Variants in RPIA observed in about 807,000 individuals in gnomAD.
The protein encoded by RPIA is ribose-5-phosphate isomerase.
In RPIA, 29 loss-of-function variants were observed where a neutral mutation model predicts 37.8. The ratio of observed to expected loss-of-function variants is 0.77; its 90% CI spans 0.57 to 1.05. The LOEUF (loss-of-function observed/expected upper bound fraction) is 1.05, where lower values mean the gene tolerates loss of function less well. Among genes scored for constraint, RPIA ranks in the 50% least tolerant of loss-of-function variants. The probability of loss-of-function intolerance (pLI) is 0.00; values close to 1 mark genes in which losing one functional copy is unlikely to be tolerated. For synonymous variants in RPIA, 167 were observed against 157.0 expected, an observed-to-expected ratio of 1.06 and a Z score of -0.48; for missense variants, 385 against 413.6, an observed-to-expected ratio of 0.93 and a Z score of 0.60.
At chr2:88,699,880 A>G in intron 2 of RPIA, 129 bp from the exon 3 acceptor site, 4 of 916,370 alleles carry the variant, frequency 4.4e-6, no homozygotes, top group Non-Finnish European at 7.0e-6. Flanking sequence ...GGAGGGGGAC[A>G]CAGGATGAAA....
chr2:88,719,182 C>G (rs1029527581), intron 3 of RPIA, among the ~76,000 whole-genome samples: 3 of 152,070 alleles, frequency 2.0e-5, no homozygotes, highest in African/African-American at 7.2e-5. Flanking sequence ...TCATGGATGA[C>G]AAAAAGTTTT....
intron 8 of RPIA, among the ~76,000 whole-genome samples, chr2:88,746,886 C>T (rs1228972799): frequency 6.6e-6 from 1 of 152,112 alleles, no homozygotes; most frequent in Non-Finnish European, 1.5e-5. Flanking sequence ...GTTGGTTGGC[C>T]TTCAGCGAGG....
At chr2:88,746,279 T>G (rs1474908090) in intron 8 of RPIA, among the ~76,000 whole-genome samples, 2 of 152,196 alleles carry the variant, frequency 1.3e-5, no homozygotes, top group Non-Finnish European at 2.9e-5. Context: ...GATTTCTTCT[T>G]GGTTTGGCTC....
chr2:88,727,275 G>T (rs1411562992), intron 3 of RPIA, among the ~76,000 whole-genome samples: 1 of 152,224 alleles, frequency 6.6e-6, no homozygotes, highest in Non-Finnish European at 1.5e-5. Flanking sequence ...GGGACAATGG[G>T]AAGGGATGAT....
At chr2:88,718,133 C>G (rs1365164822) in intron 3 of RPIA, among the ~76,000 whole-genome samples, 1 of 151,814 alleles carries the variant, frequency 6.6e-6, no homozygotes, top group Non-Finnish European at 1.5e-5. Flanking sequence ...AGGGTTGTAG[C>G]CAAGAAAAAT....
At position 88,691,695 on chromosome 2, in the gene RPIA, C is replaced by T. The variant is rs1421513013; in HGVS notation, c.-4C>T. On this transcript the variant is annotated 5_prime_UTR_variant, in exon 1 of 9. Coordinates refer to ENST00000283646, the MANE Select transcript of RPIA (RefSeq NM_144563.3). The stretch of plus-strand genomic sequence containing the variant: ...TTCAGCGGAGGCCGGAGCGAGGCGT[C>T]GGGATGCAGCGCCCCGGGCCCTTCA... 5 of 1,567,702 alleles carry T rather than the reference C, an allele frequency of 3.2e-6. No homozygotes were observed. The highest frequency in any genetic ancestry group is 1.2e-5 in the South Asian group (1 of 85,726).
intron 8 of RPIA, among the ~76,000 whole-genome samples, chr2:88,740,356 G>T (rs993185088): frequency 3.3e-5 from 5 of 152,218 alleles, no homozygotes; most frequent in Admixed American, 2.6e-4. Flanking sequence ...TGAGGAAAAT[G>T]ATAAAAGAGG....
intron 8 of RPIA, among the ~76,000 whole-genome samples, chr2:88,738,948 GT>G (rs1673350450): frequency 1.3e-5 from 2 of 152,198 alleles, no homozygotes; most frequent in South Asian, 4.1e-4. Flanking sequence ...AGGAGAGGCT[GT>G]GTGAAATGAA....
chr2:88,694,200 C>T (rs1028872478), intron 1 of RPIA, among the ~76,000 whole-genome samples: 1 of 152,246 alleles, frequency 6.6e-6, no homozygotes, highest in Non-Finnish European at 1.5e-5. Flanking sequence ...CTTTGGTCAC[C>T]TCTGGTTGGC....
intron 3 of RPIA, among the ~76,000 whole-genome samples, chr2:88,728,852 A>T (rs528469523): frequency 6.6e-6 from 1 of 151,050 alleles, no homozygotes; most frequent in Admixed American, 6.5e-5. Flanking sequence ...TGTGGGCTGG[A>T]AACCACTCCG....
rs1676937696 is a variant in RPIA, at chr2:88,691,829, C to T, written c.131C>T (p.Pro44Leu). The change falls in exon 1 of 9, where the codon CCG becomes CTG. Residue 44 changes from proline (P) to leucine (L), a missense_variant. By Grantham distance (98) the Pro-to-Leu change is moderately conservative (BLOSUM62 -3). Transcript: ENST00000283646. Reference sequence around the variant, plus strand: ...CTCCCGGGTTCCCACGTGCGGCTGCCGGGGCGTGCACAGTCTGGGACCCGT... The same window carrying T: ...CTCCCGGGTTCCCACGTGCGGCTGCTGGGGCGTGCACAGTCTGGGACCCGT... ...WDLPGSHVRL[P>L]GRAQSGTRGG... 1 of 1,597,824 alleles carries T rather than the reference C, an allele frequency of 6.3e-7. No individual in the cohort carries two copies. Among genetic ancestry groups the T allele is most frequent in the Non-Finnish European group, 8.5e-7 (1 of 1,173,808 alleles).
chr2:88,719,120 A>G (rs186299089), intron 3 of RPIA, among the ~76,000 whole-genome samples: 2 of 152,298 alleles, frequency 1.3e-5, no homozygotes, highest in East Asian at 1.9e-4. Context: ...TAAGAGTTTT[A>G]TAGCTGATTA....
intron 1 of RPIA, among the ~76,000 whole-genome samples, chr2:88,694,980 AAAAAAAAAAAAAAAAG>A (rs1172091085): frequency 2.7e-5 from 1 of 36,940 alleles, no homozygotes; most frequent in Non-Finnish European, 4.9e-5. Context: ...ATAAAGTCTC[AAAAAAAAAAAAAAAAG>A]AAAAAGAAAA....
rs997029120 is a variant in RPIA at position 88,750,251 on chromosome 2, A to C, written c.*173A>C. On this transcript the variant is annotated 3_prime_UTR_variant, in exon 9 of 9. Coordinates refer to ENST00000283646, the MANE Select transcript of RPIA (RefSeq NM_144563.3). Reference sequence around the variant, plus strand: ...CCAGTCTTATGAAGTATTGTTATTAAATGTCTTTTTAAAAAGAGAAATATA... The same window carrying C: ...CCAGTCTTATGAAGTATTGTTATTACATGTCTTTTTAAAAAGAGAAATATA... 1.9e-6 allele frequency: 1 copy of C among 528,222 alleles called. No individual in the cohort carries two copies. The highest frequency in any genetic ancestry group is 1.9e-5 in the African/African-American group (1 of 52,578). 32.7% of individuals were successfully genotyped at this position (528,222 alleles called of 1,614,324 possible).
At chr2:88,723,153 A>G (rs1673155200) in intron 3 of RPIA, among the ~76,000 whole-genome samples, 1 of 152,204 alleles carries the variant, frequency 6.6e-6, no homozygotes, top group Non-Finnish European at 1.5e-5. Flanking sequence ...AAAAACAACA[A>G]CAATAAAAAC....
At chr2:88,692,959 G>C (rs1396981929) in intron 1 of RPIA, among the ~76,000 whole-genome samples, 1 of 152,194 alleles carries the variant, frequency 6.6e-6, no homozygotes, top group South Asian at 2.1e-4. Context: ...GGATGTTCCA[G>C]TGTGACCTTC....
chr2:88,696,664 A>G (rs1184508720), intron 1 of RPIA, among the ~76,000 whole-genome samples: 2 of 152,238 alleles, frequency 1.3e-5, no homozygotes, highest in African/African-American at 4.8e-5. Flanking sequence ...AAAGGTTATT[A>G]GAACCTGTTC....
intron 7 of RPIA, among the ~76,000 whole-genome samples, 198 bp from the exon 8 acceptor site, chr2:88,737,779 A>T (rs76468102): frequency 1.2e-4 from 15 of 124,738 alleles, no homozygotes; most frequent in African/African-American, 2.5e-4. Context: ...TCTCTCTCTC[A>T]AAAAAAAAAA....
chr2:88,738,372 T>C (rs962380252), intron 8 of RPIA, among the ~76,000 whole-genome samples: 1 of 152,224 alleles, frequency 6.6e-6, no homozygotes, highest in Non-Finnish European at 1.5e-5. Flanking sequence ...AATAAGGCCA[T>C]CGTCTCTGGG....
Sources: allele counts gnomAD v4.1 joint callset (sites outside exome capture counted in the v4.1 genomes callset), GRCh38; gene constraint gnomAD v4.1.1; transcripts MANE v1.5; gene names NCBI Gene and HGNC (gene_info 2026-07-23, HGNC 2026-07-21).